GARNL3: variants seen among roughly 807,000 people sequenced by gnomAD.
GARNL3 encodes GTPase activating Rap/RanGAP domain like 3.
In GARNL3, 63 loss-of-function variants were observed where a neutral mutation model predicts 125.0. That is an observed-to-expected ratio of 0.50 (90% CI 0.41 to 0.62). The LOEUF is 0.62. GARNL3 is among the 20% of genes least tolerant of loss of function. The pLI is 0.00. For synonymous variants in GARNL3, 439 were observed against 457.5 expected (o/e 0.96, Z 0.52); for missense variants, 994 against 1,244.0 (o/e 0.80, Z 3.02).
At chr9:127,355,082 C>T (rs1277831798) in intron 19 of GARNL3, among the ~76,000 whole-genome samples, 6 of 152,200 alleles carry the variant, frequency 3.9e-5, no homozygotes, top group African/African-American at 9.7e-5. Flanking sequence ...CGTGAACCAC[C>T]GCACCCAGCT....
chr9:127,234,946 T>C (rs2063084121), intron 1 of GARNL3, among the ~76,000 whole-genome samples: 1 of 152,188 alleles, frequency 6.6e-6, no homozygotes, highest in African/African-American at 2.4e-5. Context: ...CATATGAATT[T>C]TGGAGAGACA....
intron 21 of GARNL3, among the ~76,000 whole-genome samples, chr9:127,358,690 T>A (rs2131687408): frequency 6.6e-6 from 1 of 152,330 alleles, no homozygotes; most frequent in Non-Finnish European, 1.5e-5. Flanking sequence ...GTCATTTCTC[T>A]TATCTATATT....
intron 1 of GARNL3, among the ~76,000 whole-genome samples, chr9:127,284,630 G>T (rs1193293045): frequency 6.6e-6 from 1 of 151,768 alleles, no homozygotes; most frequent in African/African-American, 2.4e-5. Context: ...TTGAAAATGT[G>T]AATTTTTCTG....
intron 22 of GARNL3, among the ~76,000 whole-genome samples, chr9:127,373,366 T>C (rs1831710716): frequency 6.6e-6 from 1 of 152,148 alleles, no homozygotes; most frequent in African/African-American, 2.4e-5. Context: ...GGAATATAGG[T>C]TAAATGTGTA....
At chr9:127,286,245 C>T (rs1008936164) in intron 1 of GARNL3, among the ~76,000 whole-genome samples, 3 of 152,236 alleles carry the variant, frequency 2.0e-5, no homozygotes, top group Non-Finnish European at 2.9e-5. Context: ...CTAACCAACT[C>T]CCTCCTCTTT....
At chr9:127,388,761 C>A in intron 25 of GARNL3, 143 bp from the exon 26 acceptor site, 1 of 632,254 alleles carries the variant, frequency 1.6e-6, no homozygotes, top group Non-Finnish European at 2.8e-6. Flanking sequence ...TGCTCCTGGC[C>A]AGCCCTCCCA....
chr9:127,342,951 G>A, intron 14 of GARNL3, among the ~76,000 whole-genome samples: 1 of 143,082 alleles, frequency 7.0e-6, no homozygotes, highest in East Asian at 2.1e-4. Flanking sequence ...AGGCTGGAGT[G>A]CCATGGCATG....
At chr9:127,310,067 A>C (rs2065053923) in intron 2 of GARNL3, among the ~76,000 whole-genome samples, 1 of 152,238 alleles carries the variant, frequency 6.6e-6, no homozygotes, top group South Asian at 2.1e-4. Context: ...AGAATGATAG[A>C]GTGTTCAATA....
chr9:127,345,333 A>G (rs1830077970), intron 15 of GARNL3, 70 bp from the exon 16 acceptor site: 1 of 940,974 alleles, frequency 1.1e-6, no homozygotes. Context: ...ATTTTTGTCA[A>G]ATCACAATTG....
intron 16 of GARNL3, among the ~76,000 whole-genome samples, chr9:127,345,864 CT>C (rs1466536127): frequency 6.6e-6 from 1 of 152,252 alleles, no homozygotes; most frequent in Non-Finnish European, 1.5e-5. Context: ...GGTTCCTGTG[CT>C]GCTGACCACA....
chr9:127,286,954 T>C (rs1036776276), intron 1 of GARNL3, among the ~76,000 whole-genome samples: 10 of 152,288 alleles, frequency 6.6e-5, no homozygotes, highest in Middle Eastern at 3.4e-3. Flanking sequence ...GCACCACACA[T>C]TCAGGCTCAA....
intron 1 of GARNL3, among the ~76,000 whole-genome samples, chr9:127,270,103 A>G (rs1367588834): frequency 6.6e-6 from 1 of 151,964 alleles, no homozygotes; most frequent in Non-Finnish European, 1.5e-5. Context: ...TTTTTTCTAT[A>G]TGGTGTGAGG....
chr9:127,284,170 G>A (rs1434026434), intron 1 of GARNL3, among the ~76,000 whole-genome samples: 1 of 152,134 alleles, frequency 6.6e-6, no homozygotes, highest in African/African-American at 2.4e-5. Context: ...GTGGGGCAGT[G>A]TTGTGACAAG....
At chr9:127,253,548 T>C (rs1403610141) in intron 2 of GARNL3, among the ~76,000 whole-genome samples, 8 of 152,138 alleles carry the variant, frequency 5.3e-5, no homozygotes, top group Non-Finnish European at 1.2e-4. Flanking sequence ...ATTCCCTCTT[T>C]GTAATTCCTA....
intron 1 of GARNL3, among the ~76,000 whole-genome samples, chr9:127,288,918 T>G (rs1478550850): frequency 6.6e-6 from 1 of 152,186 alleles, no homozygotes; most frequent in Non-Finnish European, 1.5e-5. Context: ...GGGGAGGGTG[T>G]GTCCCACGTC....
intron 25 of GARNL3, among the ~76,000 whole-genome samples, chr9:127,388,248 C>T (rs113468767): frequency 1.3e-5 from 2 of 149,262 alleles, no homozygotes; most frequent in African/African-American, 2.5e-5. Flanking sequence ...CCTGGGAGGT[C>T]AAGGCTGCAG....
intron 7 of GARNL3, among the ~76,000 whole-genome samples, chr9:127,326,460 G>A (rs1588860995): frequency 6.6e-6 from 1 of 152,112 alleles, no homozygotes. Context: ...AAAAAATAAG[G>A]TAGTAACACA....
At chr9:127,270,250 T>G (rs2063793906) in intron 1 of GARNL3, among the ~76,000 whole-genome samples, 2 of 152,222 alleles carry the variant, frequency 1.3e-5, no homozygotes, top group South Asian at 4.1e-4. Context: ...GAGGGTTAGT[T>G]TCTGGGCTTC....
intron 22 of GARNL3, among the ~76,000 whole-genome samples, chr9:127,369,917 G>T (rs528728026): frequency 1.3e-5 from 2 of 152,300 alleles, no homozygotes; most frequent in Non-Finnish European, 2.9e-5. Flanking sequence ...CCCTGCATCT[G>T]TGGAAGCCAT....
Sources: allele counts gnomAD v4.1 joint callset (sites outside exome capture counted in the v4.1 genomes callset), GRCh38; gene constraint gnomAD v4.1.1; transcripts MANE v1.5; gene names NCBI Gene and HGNC (gene_info 2026-07-23, HGNC 2026-07-21).